Variants in PPP3CB observed in about 807,000 individuals in gnomAD.
PPP3CB encodes the protein protein phosphatase 3 catalytic subunit beta.
A neutral mutation model predicts 66.4 loss-of-function variants in PPP3CB; 8 were observed. The observed-to-expected ratio is 0.12, with a 90% confidence interval of 0.07 to 0.22. PPP3CB has a LOEUF of 0.22. Ranked by LOEUF, PPP3CB falls within the 10% of genes least tolerant of loss-of-function variation. The probability of loss-of-function intolerance (pLI) is 1.00; values close to 1 mark genes in which losing one functional copy is unlikely to be tolerated. For missense variants in PPP3CB, 319 were observed against 642.5 expected, an observed-to-expected ratio of 0.50 and a Z score of 5.44; for synonymous variants, 208 against 221.2, an observed-to-expected ratio of 0.94 and a Z score of 0.53.
At chr10:73,472,473 C>A (rs1465341758) in intron 4 of PPP3CB, among the ~76,000 whole-genome samples, 1 of 146,146 alleles carries the variant, frequency 6.8e-6, no homozygotes, top group Admixed American at 6.9e-5. Flanking sequence ...CCAGCCTGGG[C>A]GACAGAGCAA....
chr10:73,489,158 T>C (rs539632341), intron 1 of PPP3CB, among the ~76,000 whole-genome samples: 5 of 152,348 alleles, frequency 3.3e-5, no homozygotes, highest in Non-Finnish European at 7.4e-5. Flanking sequence ...CCTAAAAAAC[T>C]GTTGCTCACC....
At chr10:73,490,824 T>C (rs2057060582) in intron 1 of PPP3CB, among the ~76,000 whole-genome samples, 1 of 152,060 alleles carries the variant, frequency 6.6e-6, no homozygotes. Context: ...ACTGAAGATT[T>C]ATTTTATTTA....
chr10:73,445,280 C>G (rs2056228148), intron 11 of PPP3CB, among the ~76,000 whole-genome samples: 1 of 152,102 alleles, frequency 6.6e-6, no homozygotes, highest in African/African-American at 2.4e-5. Context: ...ATCAAGAATA[C>G]TCTAAAAAGT....
intron 10 of PPP3CB, among the ~76,000 whole-genome samples, chr10:73,451,494 G>A (rs949348506): frequency 2.0e-5 from 3 of 151,928 alleles, no homozygotes; most frequent in Non-Finnish European, 4.4e-5. Flanking sequence ...ACCTTAAATG[G>A]AGGAAATAGT....
chr10:73,460,104 GC>G (rs1171872445), intron 9 of PPP3CB, among the ~76,000 whole-genome samples: 1 of 152,092 alleles, frequency 6.6e-6, no homozygotes, highest in African/African-American at 2.4e-5. Context: ...AGGAAATGAG[GC>G]TGAAGAGAAA....
chr10:73,443,564 G>C (rs1447274567), intron 12 of PPP3CB, among the ~76,000 whole-genome samples: 1 of 152,146 alleles, frequency 6.6e-6, no homozygotes, highest in Non-Finnish European at 1.5e-5. Context: ...GCTGTCAAAA[G>C]TGACTACAAG....
chr10:73,451,663 G>A (rs1217986297), intron 10 of PPP3CB, among the ~76,000 whole-genome samples: 1 of 151,746 alleles, frequency 6.6e-6, no homozygotes, highest in Non-Finnish European at 1.5e-5. Flanking sequence ...AGCGCTTTTT[G>A]AGAGGCTGAG....
chr10:73,475,941 C>T (rs912718222), intron 3 of PPP3CB, among the ~76,000 whole-genome samples: 2 of 152,260 alleles, frequency 1.3e-5, no homozygotes, highest in East Asian at 3.9e-4. Context: ...ACTGCAGCCT[C>T]GACCTTCTGG....
At chr10:73,464,577 G>C (rs1456265701) in intron 9 of PPP3CB, among the ~76,000 whole-genome samples, 1 of 152,102 alleles carries the variant, frequency 6.6e-6, no homozygotes, top group East Asian at 1.9e-4. Flanking sequence ...ATTTATACAT[G>C]AATTTTTCTG....
chr10:73,443,328 G>GAAAGAAAA (rs1425533106), intron 12 of PPP3CB, among the ~76,000 whole-genome samples: 57 of 131,184 alleles, frequency 4.3e-4, no homozygotes, highest in African/African-American at 1.8e-3. Context: ...AAGAAAGAAA[G>GAAAGAAAA]AAAAAGAAAG....
chr10:73,451,631 G>C (rs1280731796), intron 10 of PPP3CB, among the ~76,000 whole-genome samples: 1 of 151,938 alleles, frequency 6.6e-6, no homozygotes, highest in East Asian at 1.9e-4. Flanking sequence ...GGCCAGGCCT[G>C]GTAGCTCATG....
chr10:73,448,548 C>T, intron 10 of PPP3CB: 1 of 443,594 alleles, frequency 2.3e-6, no homozygotes, highest in African/African-American at 2.0e-5. Flanking sequence ...TAAATTTGCA[C>T]AAGGCCCAAG....
Position 73,445,842 on chromosome 10 carries a change from G to A in PPP3CB, c.1268+650C>T, listed in dbSNP as rs546798203. On this transcript the variant is annotated intron_variant, in intron 11 of 13. Transcript: ENST00000360663. ...CAGATCACTGCAACCTCCACCTCCC[G>A]AGTTCAAGTGATTCTCCTGCCTCAG... Among the ~76,000 whole-genome samples, 18 of 150,654 alleles carry A rather than the reference G, an allele frequency of 1.2e-4. No homozygotes were observed. The East Asian group carries it at 3.1e-3, about 26-fold the overall frequency.
At chr10:73,442,501 TTTTA>T (rs1436289282) in intron 12 of PPP3CB, among the ~76,000 whole-genome samples, 2 of 152,202 alleles carry the variant, frequency 1.3e-5, no homozygotes, top group Non-Finnish European at 2.9e-5. Flanking sequence ...ACCCTTTTGG[TTTTA>T]TTTTTCTTTT....
At chr10:73,438,941 T>C (rs2056106106) in intron 13 of PPP3CB, among the ~76,000 whole-genome samples, 1 of 151,722 alleles carries the variant, frequency 6.6e-6, no homozygotes, top group Admixed American at 6.5e-5. Context: ...GAGGTCAAGG[T>C]CAGCCCATCG....
intron 10 of PPP3CB, among the ~76,000 whole-genome samples, chr10:73,451,309 A>G (rs2056340910): frequency 6.6e-6 from 1 of 152,058 alleles, no homozygotes; most frequent in Non-Finnish European, 1.5e-5. Flanking sequence ...ATCATAGAAA[A>G]TAATTCTGCT....
rs57190155 is a variant in PPP3CB at position 73,485,908 on chromosome 10, T to TTGTGTGTGTGTGTGTG, written c.86-6407_86-6392dup. On this transcript the variant is annotated intron_variant, in intron 1 of 13. Coordinates refer to ENST00000360663, the MANE Select transcript of PPP3CB (RefSeq NM_021132.4). Reference sequence around the variant, plus strand: ...GGCACACACCACCACACCTGGCTAATTGTGTGTGTGTGTGTGTGTGTGTGT... The same window carrying TTGTGTGTGTGTGTGTG: ...GGCACACACCACCACACCTGGCTAATTGTGTGTGTGTGTGTGTGTGTGTGTGTGTGTGTGTGTGTGT... Among the ~76,000 whole-genome samples the TTGTGTGTGTGTGTGTG allele has an allele frequency of 1.9e-4, 23 of 121,326 alleles. 1 individual carries two copies. The highest frequency in any genetic ancestry group is 1.6e-3 in the East Asian group (5 of 3,050). The allele number at this position is 121,326 out of a possible 152,430, so 79.6% of individuals were successfully genotyped here.
intron 1 of PPP3CB, 104 bp from the exon 2 acceptor site, chr10:73,479,621 T>C: frequency 1.8e-6 from 2 of 1,126,918 alleles, no homozygotes; most frequent in Non-Finnish European, 2.5e-6. Flanking sequence ...AGCAGGGATT[T>C]TTCTTTCTTC....
At chr10:73,443,626 G>T (rs2056199240) in intron 12 of PPP3CB, among the ~76,000 whole-genome samples, 1 of 152,164 alleles carries the variant, frequency 6.6e-6, no homozygotes, top group South Asian at 2.1e-4. Flanking sequence ...CACAGGAAAA[G>T]AAATCTAGAC....
Sources: gnomAD v4.1 joint callset for allele counts (sites outside exome capture counted in the v4.1 genomes callset) on GRCh38, gnomAD v4.1.1 for gene constraint, MANE v1.5 for transcripts, NCBI Gene and HGNC (gene_info 2026-07-23, HGNC 2026-07-21) for gene names.